The following ADARB2 variants were observed in gnomAD, a reference collection of about 807,000 sequenced individuals.
ADARB2 encodes inactive double-stranded RNA-specific editase B2.
A neutral mutation model predicts 62.2 loss-of-function variants in ADARB2; 25 were observed. The observed-to-expected ratio is 0.40, with a 90% CI of 0.29 to 0.56. ADARB2 has a LOEUF of 0.56. Among genes scored for constraint, ADARB2 ranks in the 20% least tolerant of loss-of-function variants. The probability of loss-of-function intolerance (pLI) is 0.43; values close to 1 mark genes in which losing one functional copy is unlikely to be tolerated. For missense variants in ADARB2, 1,071 were observed against 1,077.4 expected (o/e 0.99, Z 0.08); for synonymous variants, 572 against 500.8 (o/e 1.14, Z -1.90).
chr10:1,732,530 CAA>C (rs1219304291), intron 1 of ADARB2, among the ~76,000 whole-genome samples: 1 of 152,080 alleles, frequency 6.6e-6, no homozygotes, highest in Non-Finnish European at 1.5e-5. Flanking sequence ...GGCACTGATA[CAA>C]AATTTTTAAA....
Position 1,345,640 on chromosome 10 carries a change from C to T in ADARB2, c.1077+17388G>A, listed in dbSNP as rs562668625. On this transcript the variant is annotated intron_variant, in intron 3 of 9. Transcript: ENST00000381312. ...GACAGAAGGGCTGCTGCTGTGTTTC[C>T]CCCCGTGACTCTGATAGTGAGGACA... Among the ~76,000 whole-genome samples the T allele has an allele frequency of 3.9e-5, 6 of 152,236 alleles. 1 individual carries two copies. The South Asian group carries it at 1.2e-3, about 32-fold the overall frequency.
intron 3 of ADARB2, among the ~76,000 whole-genome samples, chr10:1,351,294 G>T (rs1298479148): frequency 6.6e-6 from 1 of 152,214 alleles, no homozygotes; most frequent in African/African-American, 2.4e-5. Context: ...ACAGTGGAAG[G>T]TAAGTCCGTC....
intron 1 of ADARB2, among the ~76,000 whole-genome samples, chr10:1,604,772 A>G (rs1179768915): frequency 1.3e-5 from 2 of 152,170 alleles, no homozygotes; most frequent in African/African-American, 4.8e-5. Flanking sequence ...TCATGCATCA[A>G]CTATAGTGTC....
At chr10:1,185,273 C>A (rs186068589) in intron 8 of ADARB2, among the ~76,000 whole-genome samples, 3 of 152,330 alleles carry the variant, frequency 2.0e-5, no homozygotes, top group Non-Finnish European at 2.9e-5. Context: ...ACCTTCTAAT[C>A]GAAGATTTTA....
intron 3 of ADARB2, among the ~76,000 whole-genome samples, chr10:1,332,362 G>A (rs1321908002): frequency 6.6e-6 from 1 of 151,512 alleles, no homozygotes; most frequent in Admixed American, 6.6e-5. Context: ...GCTGCAGTGA[G>A]CTGGTGTTGC....
Position 1,410,872 on chromosome 10 carries a change from G to A in ADARB2, c.101-31712C>T, listed in dbSNP as rs144148136. 1.5e-3 allele frequency among the ~76,000 whole-genome samples: 231 copies of A among 152,336 alleles called. 2 individuals are homozygous for A. The highest frequency in any genetic ancestry group is 2.7e-3 in the Non-Finnish European group (184 of 68,028). The stretch of plus-strand genomic sequence containing the variant: ...CCGCCTGATCACTTGGTGAGCAGCT[G>A]TTTCAGCTGCCCGGATGGAGGGCAG... On this transcript the variant is annotated intron_variant, in intron 1 of 9. Coordinates refer to ENST00000381312, the MANE Select transcript of ADARB2 (RefSeq NM_018702.4).
chr10:1,612,742 T>C (rs2132021864), intron 1 of ADARB2, among the ~76,000 whole-genome samples: 1 of 152,280 alleles, frequency 6.6e-6, no homozygotes, highest in African/African-American at 2.4e-5. Context: ...TATTTATTTG[T>C]TTATTTGGCA....
rs561629702 is a variant in ADARB2, at chr10:1,210,219, C to T, written c.1682+6732G>A. ...CAAAGAGAATGACCTATTTGTCTGG[C>T]GGACACACTTTCTGTACCTTAATGA... On this transcript the variant is annotated intron_variant, in intron 7 of 9. Coordinates refer to ENST00000381312, the MANE Select transcript of ADARB2 (RefSeq NM_018702.4). Among the ~76,000 whole-genome samples the T allele has an allele frequency of 1.6e-4, 25 of 152,278 alleles. 1 individual carries two copies. The South Asian group carries it at 5.0e-3, about 30-fold the overall frequency.
rs188147848 is a variant in ADARB2, at chr10:1,350,757, C to T, written c.1077+12271G>A. ...CTTATTCTCAATATACATTTTATTA[C>T]CCAATCCGCTCCCGACATTAAATAA... On this transcript the variant is annotated intron_variant, in intron 3 of 9. Coordinates refer to ENST00000381312, the MANE Select transcript of ADARB2 (RefSeq NM_018702.4). Among the ~76,000 whole-genome samples the T allele has an allele frequency of 2.0e-3, 312 of 152,270 alleles. 2 individuals carry two copies. Among genetic ancestry groups the T allele is most frequent in the African/African-American group, 7.3e-3 (302 of 41,536 alleles).
At chr10:1,379,002 G>T in intron 2 of ADARB2, 72 bp downstream of exon 2, 2 of 1,316,876 alleles carry the variant, frequency 1.5e-6, no homozygotes, top group Admixed American at 1.7e-5. Context: ...CTCAGGTTTT[G>T]GGGACTGCAG....
intron 1 of ADARB2, among the ~76,000 whole-genome samples, chr10:1,700,148 C>T (rs1208782570): frequency 6.3e-4 from 7 of 11,028 alleles, no homozygotes; most frequent in African/African-American, 1.4e-3. Flanking sequence ...CCCACTCCAC[C>T]GGGAGACCAG....
intron 1 of ADARB2, among the ~76,000 whole-genome samples, chr10:1,695,583 C>G (rs540137267): frequency 1.3e-5 from 2 of 151,886 alleles, no homozygotes; most frequent in East Asian, 3.9e-4. Context: ...ATGTGTAGGT[C>G]TGTGTGTGCA....
rs549168996 is a variant in ADARB2 at position 1,644,086 on chromosome 10, G to A, written c.100+92965C>T. Among the ~76,000 whole-genome samples the A allele has an allele frequency of 8.3e-4, 126 of 152,366 alleles. 1 individual carries two copies. The highest frequency in any genetic ancestry group is 1.0e-4 in the Non-Finnish European group (7 of 68,034). On this transcript the variant is annotated intron_variant, in intron 1 of 9. Coordinates refer to ENST00000381312, the MANE Select transcript of ADARB2 (RefSeq NM_018702.4). ...CAGGAGTGGAAGCAGCTAATGCGGGGAGATGGGGCATTCATTATGCCATTT... is the reference window on the plus strand; with the variant it reads ...CAGGAGTGGAAGCAGCTAATGCGGGAAGATGGGGCATTCATTATGCCATTT...
rs183294611 is a variant in ADARB2, at chr10:1,188,930, G to A, written c.1865-3891C>T. Among the ~76,000 whole-genome samples the A allele has an allele frequency of 1.4e-3, 208 of 152,266 alleles. 2 individuals are homozygous for A. Among genetic ancestry groups the A allele is most frequent in the African/African-American group, 4.4e-3 (183 of 41,530 alleles). ...AACCAGAAGTTTCCTTCTCCAGTGC[G>A]GCCAGCAGCCAGGCCCTCTTCCCAC... On this transcript the variant is annotated intron_variant, in intron 8 of 9. Transcript: ENST00000381312.
intron 5 of ADARB2, among the ~76,000 whole-genome samples, chr10:1,241,871 G>A (rs781418324): frequency 1.3e-5 from 2 of 152,208 alleles, no homozygotes; most frequent in African/African-American, 4.8e-5. Context: ...CCGGAAGGAC[G>A]AGGGCTGCAA....
intron 1 of ADARB2, among the ~76,000 whole-genome samples, chr10:1,734,599 T>C (rs778012493): frequency 5.3e-5 from 8 of 152,186 alleles, no homozygotes; most frequent in Non-Finnish European, 1.2e-4. Flanking sequence ...TTCTTGTCCC[T>C]TAGACTAGGT....
rs376731933 is a variant in ADARB2 at position 1,372,337 on chromosome 10, C to T, written c.187+6737G>A. Among the ~76,000 whole-genome samples, 36 of 151,998 alleles carry T rather than the reference C, an allele frequency of 2.4e-4. No individual in the cohort carries two copies. The South Asian group carries it at 6.5e-3, about 27-fold the overall frequency. On this transcript the variant is annotated intron_variant, in intron 2 of 9. Transcript: ENST00000381312. ...GGGGGAGGGAGGAATGGGTAAGATT[C>T]GAACAATCAGCTATCAGTACAATGT...
At chr10:1,665,818 G>A (rs954806061) in intron 1 of ADARB2, among the ~76,000 whole-genome samples, 1 of 152,244 alleles carries the variant, frequency 6.6e-6, no homozygotes, top group Non-Finnish European at 1.5e-5. Context: ...TCAGGCCAGT[G>A]GCATGGATGC....
chr10:1,596,751 G>C (rs144419976), intron 1 of ADARB2, among the ~76,000 whole-genome samples: 126 of 152,366 alleles, frequency 8.3e-4, no homozygotes, highest in Non-Finnish European at 1.5e-3. Context: ...CCTCCGGGAA[G>C]GCCTGTGGGG....
Sources: gnomAD v4.1 joint callset for allele counts (sites outside exome capture counted in the v4.1 genomes callset) on GRCh38, gnomAD v4.1.1 for gene constraint, MANE v1.5 for transcripts, NCBI Gene and HGNC (gene_info 2026-07-23, HGNC 2026-07-21) for gene names.